LCLAT1: variants seen among roughly 807,000 people sequenced by gnomAD.
LCLAT1 encodes the protein 1-AGP acyltransferase 8.
Under a neutral mutation model 30.7 loss-of-function variants are expected in LCLAT1, and 11 were observed. The ratio of observed to expected loss-of-function variants is 0.36; its 90% CI spans 0.23 to 0.59. The LOEUF is 0.59. Among genes scored for constraint, LCLAT1 ranks in the 20% least tolerant of loss-of-function variants. The pLI, the probability that LCLAT1 is intolerant of heterozygous loss-of-function variation, is 0.77. For missense variants in LCLAT1, 402 were observed against 458.6 expected (o/e 0.88, Z 1.13); for synonymous variants, 155 against 151.3 (o/e 1.02, Z -0.18).
chr2:30,502,773 T>C (rs1387172683), intron 1 of LCLAT1, among the ~76,000 whole-genome samples: 1 of 152,166 alleles, frequency 6.6e-6, no homozygotes, highest in Non-Finnish European at 1.5e-5. Context: ...GTTCAACAAG[T>C]GAAGTCTATT....
chr2:30,595,623 G>GTTTCT (rs1167313201), intron 5 of LCLAT1, among the ~76,000 whole-genome samples: 30 of 152,254 alleles, frequency 2.0e-4, no homozygotes, highest in African/African-American at 6.3e-4. Context: ...AAAATGTGAA[G>GTTTCT]TTTCTTTATA....
chr2:30,473,277 T>C (rs1464053967), intron 1 of LCLAT1, among the ~76,000 whole-genome samples: 2 of 152,186 alleles, frequency 1.3e-5, no homozygotes, highest in Non-Finnish European at 2.9e-5. Flanking sequence ...TGTATACATA[T>C]ATATAAAGTT....
chr2:30,610,058 C>T (rs528652993), intron 5 of LCLAT1, among the ~76,000 whole-genome samples: 43 of 152,222 alleles, frequency 2.8e-4, no homozygotes, highest in Middle Eastern at 3.4e-3. Context: ...TATGCAGTTT[C>T]TACATGTACA....
intron 5 of LCLAT1, among the ~76,000 whole-genome samples, chr2:30,634,070 A>C (rs2593474): frequency 6.6e-6 from 1 of 152,176 alleles, no homozygotes; most frequent in African/African-American, 2.4e-5. Context: ...AAGCTTCTGT[A>C]ACTTAAACAT....
At chr2:30,608,662 G>T (rs1309149291) in intron 5 of LCLAT1, among the ~76,000 whole-genome samples, 1 of 152,080 alleles carries the variant, frequency 6.6e-6, no homozygotes, top group Non-Finnish European at 1.5e-5. Context: ...TGCTGTACAG[G>T]TTTGTAGCCT....
intron 5 of LCLAT1, among the ~76,000 whole-genome samples, chr2:30,627,980 A>G (rs990878244): frequency 6.6e-6 from 1 of 152,204 alleles, no homozygotes; most frequent in African/African-American, 2.4e-5. Context: ...AGACTGGAAA[A>G]TTGACCATAA....
intron 1 of LCLAT1, 106 bp from the exon 2 acceptor site, chr2:30,525,481 T>G: frequency 1.2e-6 from 1 of 859,426 alleles, no homozygotes; most frequent in Non-Finnish European, 1.9e-6. Flanking sequence ...TTAGAGCCTT[T>G]CTGTAGCCCT....
At chr2:30,625,616 G>C (rs1206520197) in intron 5 of LCLAT1, among the ~76,000 whole-genome samples, 1 of 152,200 alleles carries the variant, frequency 6.6e-6, no homozygotes, top group Non-Finnish European at 1.5e-5. Context: ...AAAGATGGTA[G>C]GGAGATTAAT....
intron 2 of LCLAT1, among the ~76,000 whole-genome samples, chr2:30,528,410 C>T (rs1461845368): frequency 6.6e-6 from 1 of 152,100 alleles, no homozygotes; most frequent in Non-Finnish European, 1.5e-5. Flanking sequence ...ATTACATGCA[C>T]TAAGGTAAGG....
intron 5 of LCLAT1, among the ~76,000 whole-genome samples, chr2:30,636,831 C>T (rs951699605): frequency 3.3e-5 from 5 of 152,114 alleles, no homozygotes; most frequent in African/African-American, 1.2e-4. Flanking sequence ...AAAGGCTGGG[C>T]CATGTGAATG....
chr2:30,578,728 T>G (rs2148463318), intron 5 of LCLAT1, among the ~76,000 whole-genome samples: 1 of 152,264 alleles, frequency 6.6e-6, no homozygotes, highest in African/African-American at 2.4e-5. Flanking sequence ...CATGATATGT[T>G]TCAGAAGAGG....
chr2:30,633,797 TTG>T (rs759584078), intron 5 of LCLAT1, among the ~76,000 whole-genome samples: 9 of 152,218 alleles, frequency 5.9e-5, no homozygotes, highest in Non-Finnish European at 1.0e-4. Context: ...GTTAAAAAAA[TTG>T]TGTTATTCTG....
chr2:30,507,199 T>G (rs1171992729), intron 1 of LCLAT1, among the ~76,000 whole-genome samples: 4 of 149,086 alleles, frequency 2.7e-5, no homozygotes, highest in East Asian at 2.1e-4. Flanking sequence ...GGAAAAATTA[T>G]AAAGTTGTCT....
chr2:30,525,040 T>A (rs1198693506), intron 1 of LCLAT1, among the ~76,000 whole-genome samples: 3 of 148,722 alleles, frequency 2.0e-5, no homozygotes, highest in Non-Finnish European at 3.0e-5. Context: ...GGTTTTATGT[T>A]AAAAAAAAAA....
chr2:30,621,948 G>A (rs1033649362), intron 5 of LCLAT1, among the ~76,000 whole-genome samples: 2 of 152,192 alleles, frequency 1.3e-5, no homozygotes, highest in African/African-American at 4.8e-5. Flanking sequence ...TATGATCACA[G>A]AAGATGCGGC....
intron 3 of LCLAT1, among the ~76,000 whole-genome samples, chr2:30,560,283 G>GGGGTGT (rs1553374575): frequency 2.6e-4 from 38 of 144,584 alleles, no homozygotes; most frequent in African/African-American, 8.4e-4. Context: ...AATAAAGTGT[G>GGGGTGT]GTGTGTGTGT....
At chr2:30,494,565 T>C (rs200915926) in intron 1 of LCLAT1, among the ~76,000 whole-genome samples, 7 of 151,662 alleles carry the variant, frequency 4.6e-5, no homozygotes, top group Admixed American at 2.0e-4. Flanking sequence ...CATACGTGCA[T>C]ACACACATGC....
chr2:30,599,272 G>A (rs1410684710), intron 5 of LCLAT1, among the ~76,000 whole-genome samples: 1 of 152,132 alleles, frequency 6.6e-6, no homozygotes, highest in Non-Finnish European at 1.5e-5. Context: ...ATGAGCCACT[G>A]CACCCGGCCT....
At chr2:30,589,343 G>C (rs1253834587) in intron 5 of LCLAT1, among the ~76,000 whole-genome samples, 2 of 152,138 alleles carry the variant, frequency 1.3e-5, no homozygotes, top group African/African-American at 4.8e-5. Context: ...TGTTGTGTTA[G>C]AGTACTGTCC....
Sources: gnomAD v4.1 joint callset for allele counts (sites outside exome capture counted in the v4.1 genomes callset) on GRCh38, gnomAD v4.1.1 for gene constraint, MANE v1.5 for transcripts, NCBI Gene and HGNC (gene_info 2026-07-23, HGNC 2026-07-21) for gene names.